Variants in ACCSL observed in about 807,000 individuals in gnomAD.
ACCSL encodes the protein probable inactive 1-aminocyclopropane-1-carboxylate synthase-like protein 2.
Under a neutral mutation model 61.7 loss-of-function variants are expected in ACCSL, and 55 were observed. That is an observed-to-expected ratio of 0.89 (90% CI 0.72 to 1.12). The LOEUF is 1.12. ACCSL is among the 50% of genes most tolerant of loss of function. The pLI is 0.00. For missense variants in ACCSL, 632 were observed against 698.0 expected, an observed-to-expected ratio of 0.91 and a Z score of 1.07; for synonymous variants, 258 against 264.3, an observed-to-expected ratio of 0.98 and a Z score of 0.23.
the ACCSL span, among the ~76,000 whole-genome samples, chr11:43,949,413 T>A: frequency 3.9e-5 from 6 of 152,126 alleles, no homozygotes; most frequent in African/African-American, 1.2e-4. Context: ...GGAAAAGAAA[T>A]CTTGGGACCC....
At chr11:44,042,640 T>TC in the ACCSL span, among the ~76,000 whole-genome samples, 1 of 119,660 alleles carries the variant, frequency 8.4e-6, no homozygotes, top group African/African-American at 3.7e-5. Context: ...TTTTTTTGTT[T>TC]GTTTTGTTTG....
chr11:44,058,334 T>A lies in ACCSL; in HGVS notation c.1345T>A (p.Tyr449Asn). 6.2e-7 allele frequency: 1 copy of A among 1,614,208 alleles called. No individual in the cohort carries two copies. The highest frequency in any genetic ancestry group is 8.5e-7 in the Non-Finnish European group (1 of 1,180,044). Residue 449 changes from tyrosine to asparagine, a missense_variant, in exon 12 of 14, where the codon TAC (tyrosine) becomes AAC (asparagine). By Grantham distance (143) the Tyr-to-Asn change is moderately radical. Coordinates refer to ENST00000378832, the MANE Select transcript of ACCSL (RefSeq NM_001031854.2). Reference protein sequence around the residue: ...LQNTEWIDKVYLPTNCYRLRE... With the variant: ...LQNTEWIDKVNLPTNCYRLRE... ...CCATCCAGAATGGATTGACAAAGTA[T>A]ACCTACCCACCAATTGCTACCGGCT...
chr11:43,955,289 A>G, the ACCSL span, among the ~76,000 whole-genome samples: 3 of 152,084 alleles, frequency 2.0e-5, no homozygotes, highest in African/African-American at 4.8e-5. Flanking sequence ...CCTATAACTA[A>G]ATACCCTAGA....
chr11:44,048,296 C>T lies in ACCSL; in HGVS notation c.260C>T (p.Ala87Val), dbSNP rs186883674. Reference sequence around the variant, plus strand: ...ATCAACCTCCTACAGTCTGGGGCCGCGAGTGGCCTGGAGCTCCAAGTGCCT... The same window carrying T: ...ATCAACCTCCTACAGTCTGGGGCCGTGAGTGGCCTGGAGCTCCAAGTGCCT... ...RMINLLQSGA[A>V]SGLELQVPLP... The change falls in exon 1 of 14, where the codon GCG becomes GTG. Residue 87 changes from alanine (A) to valine (V), a missense_variant. Transcript: ENST00000378832. 205 of 1,614,090 alleles carry T rather than the reference C, an allele frequency of 1.3e-4. No individual in the cohort carries two copies. The highest frequency in any genetic ancestry group is 1.5e-4 in the Admixed American group (9 of 60,020).
At chr11:43,978,783 G>GTTTTTT in the ACCSL span, among the ~76,000 whole-genome samples, 9 of 79,114 alleles carry the variant, frequency 1.1e-4, no homozygotes, top group Admixed American at 1.7e-4. Flanking sequence ...GAGAAGGTGG[G>GTTTTTT]TTTTTTTTTT....
the ACCSL span, among the ~76,000 whole-genome samples, chr11:43,976,035 G>T: frequency 6.6e-6 from 1 of 152,158 alleles, no homozygotes; most frequent in East Asian, 1.9e-4. Flanking sequence ...TGAATATAGT[G>T]TGTATAGGGG....
chr11:43,960,222 A>G, the ACCSL span, among the ~76,000 whole-genome samples: 2 of 152,164 alleles, frequency 1.3e-5, no homozygotes, highest in Non-Finnish European at 2.9e-5. Flanking sequence ...AGGTTTATCA[A>G]TTAGCTGTCT....
chr11:43,943,446 C>G, the ACCSL span: 2 of 1,431,912 alleles, frequency 1.4e-6, no homozygotes, highest in Non-Finnish European at 1.9e-6. The surrounding 1 kb of genome is among the most constrained non-coding windows in gnomAD (Gnocchi z 4.8). Context: ...CGCCCCTCGC[C>G]GCGCTCGCCC....
the ACCSL span, among the ~76,000 whole-genome samples, chr11:43,993,514 G>A: frequency 6.6e-6 from 1 of 152,204 alleles, no homozygotes; most frequent in Non-Finnish European, 1.5e-5. Context: ...CATCTAGGGA[G>A]CAGTGACTAC....
the ACCSL span, among the ~76,000 whole-genome samples, chr11:43,937,564 C>T: frequency 1.3e-5 from 2 of 152,174 alleles, no homozygotes; most frequent in Non-Finnish European, 1.5e-5. Flanking sequence ...TCCTGTTTTC[C>T]TCCTACCCTG....
At chr11:43,936,748 G>A in the ACCSL span, among the ~76,000 whole-genome samples, 1 of 152,204 alleles carries the variant, frequency 6.6e-6, no homozygotes, top group Admixed American at 6.5e-5. Flanking sequence ...AAAAGGCAAC[G>A]GCGGGGAGGA....
At chr11:44,026,626 A>G in the ACCSL span, among the ~76,000 whole-genome samples, 1 of 152,300 alleles carries the variant, frequency 6.6e-6, no homozygotes, top group African/African-American at 2.4e-5. Context: ...AAATTGAAAT[A>G]TGGACATCTA....
the ACCSL span, among the ~76,000 whole-genome samples, chr11:44,008,435 A>C: frequency 6.6e-6 from 1 of 152,242 alleles, no homozygotes; most frequent in East Asian, 1.9e-4. Flanking sequence ...CTCTCAGGGC[A>C]AAAAGCAATG....
At chr11:43,992,054 C>CTTTCTT in the ACCSL span, among the ~76,000 whole-genome samples, 1 of 114,146 alleles carries the variant, frequency 8.8e-6, no homozygotes, top group Non-Finnish European at 1.7e-5. Context: ...TTCTTTCTTT[C>CTTTCTT]TTTTTTTTTT....
the ACCSL span, among the ~76,000 whole-genome samples, chr11:43,970,910 G>GGCAATAC: frequency 6.6e-6 from 1 of 152,164 alleles, no homozygotes; most frequent in African/African-American, 2.4e-5. Flanking sequence ...AATCCTAGTT[G>GGCAATAC]CTAGCACAAT....
chr11:44,024,088 T>C, the ACCSL span, among the ~76,000 whole-genome samples: 1 of 152,352 alleles, frequency 6.6e-6, no homozygotes, highest in African/African-American at 2.4e-5. Flanking sequence ...TTTGAATCAG[T>C]GGACTCAATA....
the ACCSL span, among the ~76,000 whole-genome samples, chr11:43,968,009 G>C: frequency 3.3e-5 from 5 of 152,248 alleles, no homozygotes; most frequent in African/African-American, 1.2e-4. Context: ...TTAGAGCAGT[G>C]GTTCTCAACC....
chr11:43,956,369 GCAAGA>G, the ACCSL span, among the ~76,000 whole-genome samples: 1 of 152,142 alleles, frequency 6.6e-6, no homozygotes, highest in African/African-American at 2.4e-5. Flanking sequence ...ATTAACAAAG[GCAAGA>G]GGGGGTTGAT....
chr11:43,987,895 C>T, the ACCSL span, among the ~76,000 whole-genome samples: 1 of 152,150 alleles, frequency 6.6e-6, no homozygotes, highest in Non-Finnish European at 1.5e-5. Context: ...GAAGATTTTT[C>T]CTTTCGGGCA....
Sources: gnomAD v4.1 joint callset for allele counts (sites outside exome capture counted in the v4.1 genomes callset) on GRCh38, gnomAD v4.1.1 for gene constraint, Gnocchi (gnomAD v3.1) non-coding constraint, MANE v1.5 for transcripts, NCBI Gene and HGNC (gene_info 2026-07-23, HGNC 2026-07-21) for gene names.